BIRC6: variants seen among roughly 807,000 people sequenced by gnomAD.
BIRC6 encodes dual E2 ubiquitin-conjugating enzyme/E3 ubiquitin-protein ligase BIRC6.
Under a neutral mutation model 503.3 loss-of-function variants are expected in BIRC6, and 98 were observed. The ratio of observed to expected loss-of-function variants is 0.19; its 90% CI spans 0.17 to 0.23. BIRC6 has a LOEUF of 0.23. Ranked by LOEUF, BIRC6 falls within the 10% of genes least tolerant of loss-of-function variation. The pLI is 1.00. For synonymous variants in BIRC6, 2,240 were observed against 2,078.7 expected (o/e 1.08, Z -2.11); for missense variants, 5,360 against 5,806.0 (o/e 0.92, Z 2.50).
At chr2:32,597,427 AC>A (rs2061745248) in intron 68 of BIRC6, among the ~76,000 whole-genome samples, 1 of 152,126 alleles carries the variant, frequency 6.6e-6, no homozygotes, top group Non-Finnish European at 1.5e-5. Flanking sequence ...GAGTTAATAG[AC>A]CCTGTCCTCT....
chr2:32,515,114 G>A lies in BIRC6; in HGVS notation c.10693G>A (p.Gly3565Arg), dbSNP rs757564966. 2 of 1,613,770 alleles carry A rather than the reference G, an allele frequency of 1.2e-6. No homozygotes were observed. Among genetic ancestry groups the A allele is most frequent in the African/African-American group, 2.7e-5 (2 of 74,884 alleles). ...NYFSLLMGWM[G>R]ITPPPVQCHH... Reference sequence around the variant, plus strand: ...TTTTTCTTTGCTCATGGGCTGGATGGGAATTACCCCTCCTCCAGTGCAATG... The same window carrying A: ...TTTTTCTTTGCTCATGGGCTGGATGAGAATTACCCCTCCTCCAGTGCAATG... The change falls in exon 55 of 74, where the codon GGA becomes AGA. Residue 3565 changes from glycine to arginine, a missense_variant. Around this residue, in one of 16 missense-constraint regions of BIRC6, gnomAD observed 878 missense variants for 928.9 expected, o/e 0.95. Transcript: ENST00000421745.
intron 11 of BIRC6, 41 bp downstream of exon 11, chr2:32,429,336 GGTA>G: frequency 7.4e-7 from 1 of 1,358,194 alleles, no homozygotes; most frequent in Non-Finnish European, 9.8e-7. Flanking sequence ...AAAAAGAATA[GGTA>G]GTATTTATCA....
chr2:32,543,333 A>C lies in BIRC6; in HGVS notation c.12384A>C (p.Leu4128Phe). ...EWVTIEQSGE[L>F]VYEAPETVAA... ...TGACCATTGAACAGTCAGGGGAGTT[A>C]GTTTATGAAGCACCAGAAACTGTTG... Residue 4128 changes from leucine to phenylalanine, a missense_variant, in exon 62 of 74, where the codon TTA (leucine) becomes TTC (phenylalanine). Transcript: ENST00000421745. 1 of 1,613,996 alleles carries C rather than the reference A, an allele frequency of 6.2e-7. No homozygotes were observed. The highest frequency in any genetic ancestry group is 8.5e-7 in the Non-Finnish European group (1 of 1,179,894).
intron 68 of BIRC6, among the ~76,000 whole-genome samples, chr2:32,596,340 C>T (rs1486600827): frequency 6.6e-6 from 1 of 151,742 alleles, no homozygotes; most frequent in Non-Finnish European, 1.5e-5. Context: ...ATTAGCTGGG[C>T]ATGGTGGCAG....
intron 57 of BIRC6, among the ~76,000 whole-genome samples, chr2:32,523,834 G>A (rs1196887296): frequency 6.6e-6 from 1 of 152,100 alleles, no homozygotes; most frequent in Non-Finnish European, 1.5e-5. Flanking sequence ...CAGGCAGATG[G>A]CTTGAGCCCA....
chr2:32,415,955 T>G lies in BIRC6; in HGVS notation c.2664T>G (p.Gly888=). 1 of 1,613,710 alleles carries G rather than the reference T, an allele frequency of 6.2e-7. No individual in the cohort carries two copies. The highest frequency in any genetic ancestry group is 8.5e-7 in the Non-Finnish European group (1 of 1,179,742). Residue 888 remains glycine (G), a synonymous_variant, in exon 10 of 74, where the codon GGT becomes GGG. Transcript: ENST00000421745. ...ACATGCAGTTAACCTCAAAGAATGG[T>G]TTTGAGAGAGAAAAAACGTCTGACA... ...IEDMQLTSKN[G]FEREKTSDIS...
chr2:32,357,544 G>A lies in BIRC6; in HGVS notation c.325+58G>A. The A allele has an allele frequency of 6.6e-7, 1 of 1,510,814 alleles. No homozygotes were observed. Among genetic ancestry groups the A allele is most frequent in the Non-Finnish European group, 8.8e-7 (1 of 1,132,682 alleles). The allele number at this position is 1,510,814 out of a possible 1,614,324, so 93.6% of individuals were successfully genotyped here. A position where few individuals can be genotyped will look rare whatever the true frequency, so the allele number is the denominator to read the frequency against. ...CCGGGGAAAGAAGCCGTCCAGCCCC[G>A]GGGCTCGGCCTCGCGACTCGGGGAA... On this transcript the variant is annotated intron_variant, in intron 1 of 73. Coordinates refer to ENST00000421745, the MANE Select transcript of BIRC6 (RefSeq NM_016252.4). This position sits in a 1 kb window ranked among gnomAD's most constrained non-coding sequence, Gnocchi z 4.9.
intron 72 of BIRC6, among the ~76,000 whole-genome samples, chr2:32,610,546 T>C (rs1288285443): frequency 6.6e-6 from 1 of 152,212 alleles, no homozygotes; most frequent in East Asian, 1.9e-4. Flanking sequence ...AATATACTTA[T>C]CTAGGTGTTC....
At chr2:32,594,842 TTA>T (rs2061585616) in intron 67 of BIRC6, among the ~76,000 whole-genome samples, 190 bp from the exon 68 acceptor site, 1 of 152,184 alleles carries the variant, frequency 6.6e-6, no homozygotes, top group South Asian at 2.1e-4. Context: ...ATTGTTATGT[TTA>T]TGTTATTGTT....
chr2:32,465,094 A>G lies in BIRC6; in HGVS notation c.5286A>G (p.Ala1762=), dbSNP rs138202221. The change falls in exon 26 of 74, where the codon GCA becomes GCG. Residue 1762 remains alanine (A), a synonymous_variant. Coordinates refer to ENST00000421745, the MANE Select transcript of BIRC6 (RefSeq NM_016252.4). ...CACTTGGTTCTGGTCTAGCCCTTGC[A>G]ATTTCTCATGCTTCACATTTTCTTC... ...MNPLGSGLAL[A]ISHASHFLQP... The G allele has an allele frequency of 2.7e-5, 44 of 1,606,642 alleles. No individual in the cohort carries two copies. The African/African-American group carries it at 3.2e-4, about 12-fold the overall frequency.
intron 66 of BIRC6, among the ~76,000 whole-genome samples, chr2:32,579,716 TAAA>T (rs1419054584): frequency 6.6e-6 from 1 of 151,718 alleles, no homozygotes. Flanking sequence ...ATAAAGAAAA[TAAA>T]AAAGAAAGCT....
At chr2:32,388,728 T>C in intron 3 of BIRC6, 22 bp from the exon 4 acceptor site, 3 of 1,546,508 alleles carry the variant, frequency 1.9e-6, no homozygotes, top group Non-Finnish European at 2.6e-6. Flanking sequence ...TTTCCTTTGC[T>C]TATACTCCCA....
rs560776293 is a variant in BIRC6, at chr2:32,386,780, C to T, written c.646-1970C>T. 1.2e-4 allele frequency among the ~76,000 whole-genome samples: 19 copies of T among 152,162 alleles called. 1 individual carries two copies. In the South Asian group the frequency reaches 2.3e-3, roughly 18 times the overall value. On this transcript the variant is annotated intron_variant, in intron 3 of 73. Coordinates refer to ENST00000421745, the MANE Select transcript of BIRC6 (RefSeq NM_016252.4). ...GTGGCATTAATCTAAAAAATTTCTT[C>T]AGGAATGTAGCATTGCTTTAGTTTA...
intron 15 of BIRC6, among the ~76,000 whole-genome samples, chr2:32,438,397 A>C (rs1639099280): frequency 1.3e-5 from 2 of 152,168 alleles, no homozygotes. Flanking sequence ...ATTTATAATC[A>C]TGAAAGATTT....
chr2:32,416,004 A>G lies in BIRC6; in HGVS notation c.2713A>G (p.Ile905Val), dbSNP rs780802846. 2 of 1,613,976 alleles carry G rather than the reference A, an allele frequency of 1.2e-6. No homozygotes were observed. Among genetic ancestry groups the G allele is most frequent in the East Asian group, 2.2e-5 (1 of 44,874 alleles). ...SDISTLGHLV[I>V]TTQGGYVKIL... ...CATTTCTACTCTTGGACACCTGGTAATAACCACTCAGGGAGGATATGTAAA... is the reference window on the plus strand; with the variant it reads ...CATTTCTACTCTTGGACACCTGGTAGTAACCACTCAGGGAGGATATGTAAA... The change falls in exon 10 of 74, where the codon ATA becomes GTA. Residue 905 changes from isoleucine to valine, a missense_variant. Coordinates refer to ENST00000421745, the MANE Select transcript of BIRC6 (RefSeq NM_016252.4).
In BIRC6 at chr2:32,491,638, A is replaced by T. The variant is rs41280631; in HGVS notation, c.8340+80A>T. 2,353 of 1,416,148 alleles carry T rather than the reference A, an allele frequency of 1.7e-3. 2 individuals carry two copies. The highest frequency in any genetic ancestry group is 2.6e-3 in the Middle Eastern group (14 of 5,482). 87.7% of individuals were successfully genotyped at this position (1,416,148 alleles called of 1,614,324 possible). A position where few individuals can be genotyped will look rare whatever the true frequency, so the allele number is the denominator to read the frequency against. On this transcript the variant is annotated intron_variant, in intron 44 of 73. Transcript: ENST00000421745. ...TAATGTAAAGCTATGTAACTTTTTTATTGCTAAAGTATTAAATAATAGCCT... is the reference window on the plus strand; with the variant it reads ...TAATGTAAAGCTATGTAACTTTTTTTTTGCTAAAGTATTAAATAATAGCCT...
chr2:32,449,428 A>C (rs375937410), intron 22 of BIRC6, among the ~76,000 whole-genome samples: 1 of 152,182 alleles, frequency 6.6e-6, no homozygotes, highest in Admixed American at 6.5e-5. Flanking sequence ...CTTTCTAAAG[A>C]ATGTGTTTTT....
chr2:32,362,020 A>G lies in BIRC6; in HGVS notation c.325+4534A>G, dbSNP rs562884266. Reference sequence around the variant, plus strand: ...TTTGTGTGCAGGTTTTTGTGTAGACATAAGTTTTCAAATCATTTGGGTAAA... The same window carrying G: ...TTTGTGTGCAGGTTTTTGTGTAGACGTAAGTTTTCAAATCATTTGGGTAAA... On this transcript the variant is annotated intron_variant, in intron 1 of 73. Transcript: ENST00000421745. 9.2e-5 allele frequency among the ~76,000 whole-genome samples: 14 copies of G among 152,284 alleles called. No homozygotes were observed. In the East Asian group the frequency reaches 2.7e-3, roughly 29 times the overall value.
At chr2:32,520,519 T>G (rs2055539510) in intron 57 of BIRC6, among the ~76,000 whole-genome samples, 1 of 152,048 alleles carries the variant, frequency 6.6e-6, no homozygotes, top group Non-Finnish European at 1.5e-5. Context: ...AAATGAAAAT[T>G]AAAAAGTAAA....
Sources: allele counts gnomAD v4.1 joint callset (sites outside exome capture counted in the v4.1 genomes callset), GRCh38; gene constraint gnomAD v4.1.1; regional missense constraint gnomAD v4.1.1; non-coding constraint Gnocchi (gnomAD v3.1); transcripts MANE v1.5; gene names NCBI Gene and HGNC (gene_info 2026-07-23, HGNC 2026-07-21).